EEF1AKMT2: variants seen among roughly 807,000 people sequenced by gnomAD.
The protein encoded by EEF1AKMT2 is EEF1A lysine methyltransferase 2, also known as eukaryotic translation elongation factor 1 alpha lysine methyltransferase 2.
Under a neutral mutation model 35.8 loss-of-function variants are expected in EEF1AKMT2, and 32 were observed. That is an observed-to-expected ratio of 0.89 (90% CI 0.67 to 1.20). The LOEUF (loss-of-function observed/expected upper bound fraction) is 1.20. Among genes scored for constraint, EEF1AKMT2 ranks in the 50% most tolerant of loss-of-function variants. The pLI, the probability that EEF1AKMT2 is intolerant of heterozygous loss-of-function variation, is 0.00. For synonymous variants in EEF1AKMT2, 121 were observed against 133.7 expected, an observed-to-expected ratio of 0.91 and a Z score of 0.65; for missense variants, 330 against 347.5, an observed-to-expected ratio of 0.95 and a Z score of 0.40.
intron 4 of EEF1AKMT2, among the ~76,000 whole-genome samples, chr10:124,767,811 C>T (rs1950392413): frequency 6.6e-6 from 1 of 151,968 alleles, no homozygotes; most frequent in African/African-American, 2.4e-5. Flanking sequence ...CATGGACAAA[C>T]CCCGCCTCTA....
downstream of EEF1AKMT2, chr10:124,757,705 T>A (rs1477411550): frequency 1.3e-5 from 2 of 151,104 alleles, no homozygotes; most frequent in African/African-American, 4.9e-5. Context: ...TATACTTAGC[T>A]CCCTTATTTC....
rs906704023 is a variant in EEF1AKMT2 at position 124,781,710 on chromosome 10, C to T, written c.292-6928G>A. 7.5e-5 allele frequency among the ~76,000 whole-genome samples: 11 copies of T among 146,838 alleles called. 1 individual carries two copies. In the South Asian group the frequency reaches 2.2e-3, roughly 29 times the overall value. ...CAAAAAAAATTTGTTGCAAGAAAAC[C>T]CTCTCTAAAATAATTTCCAAGAAGA... is the stretch of plus-strand genomic sequence containing the variant. On this transcript the variant is annotated intron_variant, in intron 3 of 6. Coordinates refer to ENST00000368836, the MANE Select transcript of EEF1AKMT2 (RefSeq NM_212554.4).
intron 4 of EEF1AKMT2, among the ~76,000 whole-genome samples, chr10:124,766,543 C>G (rs760688761): frequency 1.4e-4 from 22 of 152,018 alleles, no homozygotes; most frequent in Non-Finnish European, 2.6e-4. Flanking sequence ...ATTCTGAAAA[C>G]TCATTTTGAA....
At chr10:124,779,267 AAT>A (rs1950515494) in intron 3 of EEF1AKMT2, among the ~76,000 whole-genome samples, 1 of 152,058 alleles carries the variant, frequency 6.6e-6, no homozygotes, top group East Asian at 1.9e-4. Flanking sequence ...GAGTAACTGG[AAT>A]TACAAGGACA....
chr10:124,783,867 CAG>C (rs1232128397), intron 3 of EEF1AKMT2, among the ~76,000 whole-genome samples: 1 of 152,096 alleles, frequency 6.6e-6, no homozygotes, highest in Non-Finnish European at 1.5e-5. Context: ...TCTAGTTGCC[CAG>C]GCTGGAGTGC....
At chr10:124,761,630 C>A (rs552326810) in intron 6 of EEF1AKMT2, among the ~76,000 whole-genome samples, 1 of 152,322 alleles carries the variant, frequency 6.6e-6, no homozygotes, top group Non-Finnish European at 1.5e-5. Context: ...GAAGTCTCAG[C>A]TTCAGCACTT....
At position 124,791,735 on chromosome 10, in the gene EEF1AKMT2, C is replaced by T. The variant is rs1483418732; in HGVS notation, c.99G>A (p.Gly33=). The T allele has an allele frequency of 1.0e-5, 16 of 1,587,460 alleles. No individual in the cohort carries two copies. Among genetic ancestry groups the T allele is most frequent in the Non-Finnish European group, 1.4e-5 (16 of 1,171,306 alleles). The change falls in exon 1 of 7, where the codon GGG becomes GGA. Residue 33 remains glycine, a synonymous_variant. Coordinates refer to ENST00000368836, the MANE Select transcript of EEF1AKMT2 (RefSeq NM_212554.4). ...AGCGTCACACTCACTGCTCGCGGGT[C>T]CCCAGCGCCGACGGGACGAAACCGT... ...GEDGFVPSAL[G]TREHWDAVYE... is the part of the protein sequence containing the mutation.
At chr10:124,790,413 C>T (rs1262975805) in intron 1 of EEF1AKMT2, 75 bp from the exon 2 acceptor site, 1 of 1,023,870 alleles carries the variant, frequency 9.8e-7, no homozygotes, top group Non-Finnish European at 1.5e-6. Flanking sequence ...GTTTCTAATA[C>T]ATTACAGAGC....
chr10:124,771,823 C>A (rs1182714850), intron 4 of EEF1AKMT2, among the ~76,000 whole-genome samples: 1 of 152,040 alleles, frequency 6.6e-6, no homozygotes, highest in Non-Finnish European at 1.5e-5. Context: ...GAGCTGAGAT[C>A]GAGTCACTAC....
intron 4 of EEF1AKMT2, among the ~76,000 whole-genome samples, chr10:124,770,684 C>T (rs945846053): frequency 6.6e-6 from 1 of 152,254 alleles, no homozygotes; most frequent in Non-Finnish European, 1.5e-5. Context: ...TTACACACAG[C>T]AGAACATCCT....
At chr10:124,788,440 A>T (rs1018136861) in intron 3 of EEF1AKMT2, among the ~76,000 whole-genome samples, 1 of 152,090 alleles carries the variant, frequency 6.6e-6, no homozygotes, top group African/African-American at 2.4e-5. Context: ...GAGGCTTGGC[A>T]TGTGGTGGTT....
intron 3 of EEF1AKMT2, among the ~76,000 whole-genome samples, chr10:124,780,911 T>C (rs1950533840): frequency 6.6e-6 from 1 of 151,878 alleles, no homozygotes; most frequent in Non-Finnish European, 1.5e-5. Flanking sequence ...TGACTGCAGA[T>C]TCCTCATGAG....
At chr10:124,787,873 ATACTTC>A (rs1465869046) in intron 3 of EEF1AKMT2, among the ~76,000 whole-genome samples, 1 of 152,160 alleles carries the variant, frequency 6.6e-6, no homozygotes, top group Non-Finnish European at 1.5e-5. Flanking sequence ...ACTTAGCTGT[ATACTTC>A]TGATTTGTGC....
chr10:124,791,700 TC>T (rs1401255461), intron 1 of EEF1AKMT2, 23 bp downstream of exon 1: 2 of 1,561,202 alleles, frequency 1.3e-6, no homozygotes, highest in Non-Finnish European at 8.6e-7. Flanking sequence ...CGGCTCATCC[TC>T]CCCTGCCCAG....
chr10:124,765,677 C>T (rs1950372857), intron 4 of EEF1AKMT2, 69 bp from the exon 5 acceptor site: 2 of 1,172,430 alleles, frequency 1.7e-6, no homozygotes, highest in African/African-American at 1.6e-5. Context: ...AAGTGACAAC[C>T]TGTAAAAGGT....
chr10:124,774,119 G>C (rs1028605719), intron 4 of EEF1AKMT2, among the ~76,000 whole-genome samples: 1 of 152,132 alleles, frequency 6.6e-6, no homozygotes, highest in East Asian at 1.9e-4. Context: ...TGTAATCCCA[G>C]CACTCTGGGA....
At chr10:124,770,785 A>G (rs1950426163) in intron 4 of EEF1AKMT2, among the ~76,000 whole-genome samples, 1 of 152,374 alleles carries the variant, frequency 6.6e-6, no homozygotes, top group East Asian at 1.9e-4. Context: ...CAATGTTCAC[A>G]GTAGATTCCA....
intron 5 of EEF1AKMT2, 55 bp downstream of exon 5, chr10:124,765,337 T>G (rs1950369318): frequency 2.9e-5 from 41 of 1,431,470 alleles, no homozygotes; most frequent in Non-Finnish European, 3.9e-5. Context: ...GAAAACCTAT[T>G]TAAGTACATG....
intron 3 of EEF1AKMT2, among the ~76,000 whole-genome samples, chr10:124,783,313 T>G (rs1344901670): frequency 6.6e-6 from 1 of 151,868 alleles, no homozygotes; most frequent in Non-Finnish European, 1.5e-5. Flanking sequence ...TGGCTAATTT[T>G]TGTATCTTTT....
Sources: allele counts gnomAD v4.1 joint callset (sites outside exome capture counted in the v4.1 genomes callset), GRCh38; gene constraint gnomAD v4.1.1; transcripts MANE v1.5; gene names NCBI Gene and HGNC (gene_info 2026-07-23, HGNC 2026-07-21).